C2orf76: variants seen among roughly 807,000 people sequenced by gnomAD.
C2orf76 encodes UPF0538 protein C2orf76.
C2orf76 carries 23 observed loss-of-function variants against 16.9 expected under a neutral mutation model. That is an observed-to-expected ratio of 1.36 (90% CI 0.98 to 1.93). The LOEUF (loss-of-function observed/expected upper bound fraction) is 1.93, where lower values mean the gene tolerates loss of function less well. Among genes scored for constraint, C2orf76 ranks in the 30% most tolerant of loss-of-function variants. The pLI is 0.00. For synonymous variants in C2orf76, 48 were observed against 52.3 expected (o/e 0.92, Z 0.35); for missense variants, 152 against 152.6 (o/e 1.00, Z 0.02).
intron 1 of C2orf76, among the ~76,000 whole-genome samples, chr2:119,351,978 A>G (rs1680422295): frequency 6.6e-6 from 1 of 152,254 alleles, no homozygotes; most frequent in Non-Finnish European, 1.5e-5. Context: ...AACCTGGTAT[A>G]TATGCCTTAT....
At chr2:119,329,486 T>C (rs1679606581) in intron 2 of C2orf76, among the ~76,000 whole-genome samples, 1 of 152,226 alleles carries the variant, frequency 6.6e-6, no homozygotes, top group Non-Finnish European at 1.5e-5. Flanking sequence ...TTTAGACCAT[T>C]TACTTTCAAT....
intron 3 of C2orf76, among the ~76,000 whole-genome samples, chr2:119,319,476 T>C (rs1679279166): frequency 6.6e-6 from 1 of 152,202 alleles, no homozygotes. Flanking sequence ...GTTTTCTTAA[T>C]ACAAATTCCT....
At chr2:119,331,147 T>C (rs1004627383) in intron 2 of C2orf76, among the ~76,000 whole-genome samples, 4 of 152,210 alleles carry the variant, frequency 2.6e-5, no homozygotes, top group African/African-American at 9.6e-5. Context: ...ATTTCTGTAT[T>C]CCTGTAAGCT....
chr2:119,347,223 C>T (rs1282598558), intron 1 of C2orf76, among the ~76,000 whole-genome samples: 1 of 152,088 alleles, frequency 6.6e-6, no homozygotes, highest in Admixed American at 6.6e-5. Flanking sequence ...TGTTAAATGA[C>T]ACCACAAGGA....
chr2:119,326,661 A>G (rs762841511), intron 2 of C2orf76, among the ~76,000 whole-genome samples: 1 of 152,166 alleles, frequency 6.6e-6, no homozygotes, highest in Non-Finnish European at 1.5e-5. Flanking sequence ...TTGAGGACAC[A>G]TGACATCTTA....
chr2:119,351,731 G>C (rs544659779), intron 1 of C2orf76, among the ~76,000 whole-genome samples: 20 of 152,008 alleles, frequency 1.3e-4, no homozygotes, highest in Non-Finnish European at 2.8e-4. Flanking sequence ...TCCAGCCCCA[G>C]CCTGGGCAAC....
At chr2:119,346,634 G>A (rs1680210815) in intron 1 of C2orf76, among the ~76,000 whole-genome samples, 1 of 152,118 alleles carries the variant, frequency 6.6e-6, no homozygotes, top group African/African-American at 2.4e-5. Context: ...CAGGGGTTAG[G>A]GGAAGAGGGG....
At chr2:119,358,052 A>G (rs545821116) in intron 1 of C2orf76, among the ~76,000 whole-genome samples, 1 of 152,350 alleles carries the variant, frequency 6.6e-6, no homozygotes, top group African/African-American at 2.4e-5. Context: ...GCACAATAAT[A>G]TTGAAATTAG....
At chr2:119,294,807 C>CAGCT in the C2orf76 span, among the ~76,000 whole-genome samples, 4 of 152,198 alleles carry the variant, frequency 2.6e-5, no homozygotes, top group Admixed American at 1.3e-4. Flanking sequence ...ACGCGCAGTA[C>CAGCT]AGCTAGCTGT....
chr2:119,308,161 T>C (rs1448639508), intron 5 of C2orf76, among the ~76,000 whole-genome samples: 3 of 152,216 alleles, frequency 2.0e-5, no homozygotes, highest in Non-Finnish European at 2.9e-5. Flanking sequence ...TTACAAGGAA[T>C]ACATGTAAAC....
At chr2:119,284,542 C>T in the C2orf76 span, among the ~76,000 whole-genome samples, 2 of 152,094 alleles carry the variant, frequency 1.3e-5, no homozygotes, top group Admixed American at 6.6e-5. Context: ...TTTATCTGGG[C>T]ATACATTACC....
chr2:119,310,283 A>G (rs1027157753), intron 5 of C2orf76, among the ~76,000 whole-genome samples: 7 of 152,224 alleles, frequency 4.6e-5, no homozygotes, highest in African/African-American at 1.7e-4. Flanking sequence ...TGCTACAATA[A>G]TATAATAGCA....
At chr2:119,283,429 C>T in the C2orf76 span, among the ~76,000 whole-genome samples, 1 of 152,178 alleles carries the variant, frequency 6.6e-6, no homozygotes. Context: ...CTCTCTTCCC[C>T]ATATCCATTT....
At chr2:119,281,436 T>C in the C2orf76 span, among the ~76,000 whole-genome samples, 50,452 of 151,672 alleles carry the variant, frequency 0.33, 8,666 homozygotes, top group Non-Finnish European at 0.39. Context: ...TGAGCCAGGG[T>C]GGTCGAGGCT....
At chr2:119,338,181 A>AT (rs1292173678) in intron 2 of C2orf76, among the ~76,000 whole-genome samples, 2 of 152,080 alleles carry the variant, frequency 1.3e-5, no homozygotes, top group African/African-American at 4.8e-5. Context: ...TTAGCTAAGG[A>AT]TTTTTTTTGA....
intron 2 of C2orf76, among the ~76,000 whole-genome samples, chr2:119,327,584 G>A (rs111520860): frequency 6.6e-5 from 10 of 151,776 alleles, no homozygotes; most frequent in South Asian, 4.2e-4. Context: ...CGTGAGATCC[G>A]GCTGTTTAAA....
chr2:119,335,245 T>G (rs1679810614), intron 2 of C2orf76, among the ~76,000 whole-genome samples: 1 of 152,208 alleles, frequency 6.6e-6, no homozygotes, highest in South Asian at 2.1e-4. Context: ...TCCTTGGCCT[T>G]TAGATATCTA....
At chr2:119,300,589 G>T (rs1001516252), downstream of C2orf76, among the ~76,000 whole-genome samples, 5 of 152,132 alleles carry the variant, frequency 3.3e-5, no homozygotes, top group African/African-American at 4.8e-5. Flanking sequence ...AATGGGGTTA[G>T]TCCCAATAAA....
At chr2:119,338,387 C>A (rs534011592) in intron 2 of C2orf76, among the ~76,000 whole-genome samples, 24 of 152,350 alleles carry the variant, frequency 1.6e-4, no homozygotes, top group African/African-American at 5.5e-4. Flanking sequence ...TCCACATTAA[C>A]GAGCTTTACT....
Sources: gnomAD v4.1 joint callset for allele counts (sites outside exome capture counted in the v4.1 genomes callset) on GRCh38, gnomAD v4.1.1 for gene constraint, MANE v1.5 for transcripts, NCBI Gene and HGNC (gene_info 2026-07-23, HGNC 2026-07-21) for gene names.